Variants in PLB1 observed in about 807,000 individuals in gnomAD.
PLB1 encodes the protein phospholipase B1, membrane-associated.
PLB1 carries 242 observed loss-of-function variants against 227.4 expected under a neutral mutation model. That is an observed-to-expected ratio of 1.06 (90% CI 0.96 to 1.18). The LOEUF (loss-of-function observed/expected upper bound fraction) is 1.18. Among genes scored for constraint, PLB1 ranks in the 50% most tolerant of loss-of-function variants. The pLI, the probability that PLB1 is intolerant of heterozygous loss-of-function variation, is 0.00. For missense variants in PLB1, 1,858 were observed against 1,816.3 expected (o/e 1.02, Z -0.42); for synonymous variants, 757 against 682.2 (o/e 1.11, Z -1.71).
chr2:28,636,632 G>A (rs1291835647), intron 56 of PLB1, among the ~76,000 whole-genome samples: 1 of 152,104 alleles, frequency 6.6e-6, no homozygotes, highest in African/African-American at 2.4e-5. Flanking sequence ...TCATACTAAG[G>A]AATACCATAC....
rs1683781838 is a variant in PLB1, at chr2:28,601,000, C to A, written c.2526+140C>A. 4.9e-6 allele frequency: 4 copies of A among 822,026 alleles called. No individual in the cohort carries two copies. In the Admixed American group the frequency reaches 6.7e-5, roughly 14 times the overall value. 50.9% of individuals were successfully genotyped at this position (822,026 alleles called of 1,614,324 possible). On this transcript the variant is annotated intron_variant, in intron 36 of 57. Transcript: ENST00000327757. ...AAGCAGTGGTCGGACAGCCCCCTGA[C>A]AGAGGTCCTGTGGAGGAGGGTATGT...
intron 41 of PLB1, among the ~76,000 whole-genome samples, chr2:28,605,624 G>A (rs1269736869): frequency 6.6e-6 from 1 of 152,140 alleles, no homozygotes; most frequent in East Asian, 1.9e-4. Flanking sequence ...TTGAATAAGG[G>A]GCACTTGTAG....
At chr2:28,553,675 T>A (rs983169192) in intron 17 of PLB1, among the ~76,000 whole-genome samples, 5 of 152,180 alleles carry the variant, frequency 3.3e-5, no homozygotes, top group Admixed American at 2.6e-4. Context: ...AGCAGTGTTA[T>A]AGATTCCCAT....
At chr2:28,609,596 G>T (rs973859836) in intron 43 of PLB1, among the ~76,000 whole-genome samples, 1 of 151,968 alleles carries the variant, frequency 6.6e-6, no homozygotes, top group Admixed American at 6.6e-5. Flanking sequence ...TCTTTTTGAC[G>T]CTCAGAGCTT....
intron 28 of PLB1, 24 bp from the exon 29 acceptor site, chr2:28,589,981 C>G (rs1056716388): frequency 2.5e-6 from 4 of 1,605,208 alleles, no homozygotes; most frequent in Non-Finnish European, 3.4e-6. Context: ...TCCTCACTCC[C>G]CATCTCCCTG....
intron 56 of PLB1, among the ~76,000 whole-genome samples, chr2:28,633,871 C>A (rs1484413014): frequency 1.3e-5 from 2 of 152,196 alleles, no homozygotes; most frequent in African/African-American, 4.8e-5. Context: ...TGTATGTTCC[C>A]TCCTTTGTCC....
intron 14 of PLB1, among the ~76,000 whole-genome samples, chr2:28,547,935 G>T (rs11127167): frequency 0.63 from 95,327 of 151,912 alleles, 30,739 homozygotes; most frequent in South Asian, 0.71. Context: ...TTGATAATCT[G>T]CTGGTTTCTC....
At chr2:28,509,899 G>GCCCATGT (rs1668042745) in intron 1 of PLB1, among the ~76,000 whole-genome samples, 1 of 152,138 alleles carries the variant, frequency 6.6e-6, no homozygotes, top group African/African-American at 2.4e-5. Context: ...TAGATTGACG[G>GCCCATGT]CCCATGTCGC....
At chr2:28,530,490 C>T (rs760331254) in intron 8 of PLB1, among the ~76,000 whole-genome samples, 2 of 152,140 alleles carry the variant, frequency 1.3e-5, no homozygotes, top group African/African-American at 2.4e-5. Flanking sequence ...ATTGTAGTGG[C>T]GATTGCTGTT....
At chr2:28,563,865 A>G (rs115291456) in intron 18 of PLB1, among the ~76,000 whole-genome samples, 1 of 152,164 alleles carries the variant, frequency 6.6e-6, no homozygotes, top group African/African-American at 2.4e-5. Context: ...TCTCATGTCT[A>G]TGGTCTATCA....
chr2:28,605,521 G>A (rs959444917), intron 41 of PLB1, among the ~76,000 whole-genome samples: 1 of 152,078 alleles, frequency 6.6e-6, no homozygotes, highest in Non-Finnish European at 1.5e-5. Flanking sequence ...GCTGGGCTAA[G>A]ACTCTCTGCG....
chr2:28,568,226 T>C (rs541980208), intron 20 of PLB1, among the ~76,000 whole-genome samples: 106 of 152,312 alleles, frequency 7.0e-4, no homozygotes, highest in African/African-American at 2.4e-3. Context: ...TCAGGGTGCT[T>C]TTGTGAGTGT....
chr2:28,592,720 G>T lies in PLB1; in HGVS notation c.2247+1G>T. The T allele has an allele frequency of 6.2e-7, 1 of 1,613,830 alleles. No individual in the cohort carries two copies. The highest frequency in any genetic ancestry group is 8.5e-7 in the Non-Finnish European group (1 of 1,179,846). On this transcript the variant is annotated splice_donor_variant, in intron 32 of 57. Transcript: ENST00000327757. LOFTEE classifies it high-confidence loss of function. ...GGCTGCTCTGGGGGATTCTCTGACC[G>T]TAAGGACTCTTGGGCCCCAGGTGGT... is the stretch of plus-strand genomic sequence containing the variant.
At chr2:28,516,973 TC>T in intron 2 of PLB1, 104 bp downstream of exon 2, 1 of 1,133,498 alleles carries the variant, frequency 8.8e-7, no homozygotes. Context: ...ACAGGCCCCT[TC>T]CTGAGGCCTT....
At chr2:28,510,554 A>G (rs1247655252) in intron 1 of PLB1, among the ~76,000 whole-genome samples, 3 of 148,508 alleles carry the variant, frequency 2.0e-5, no homozygotes, top group Non-Finnish European at 3.0e-5. Context: ...TAAAATATCT[A>G]TGTTTCAATT....
At chr2:28,566,135 G>C (rs1435395903) in intron 19 of PLB1, among the ~76,000 whole-genome samples, 4 of 152,140 alleles carry the variant, frequency 2.6e-5, no homozygotes, top group African/African-American at 9.7e-5. Context: ...TCTGACACCT[G>C]CTTTAACCTG....
intron 21 of PLB1, among the ~76,000 whole-genome samples, chr2:28,577,805 A>G (rs1679228739): frequency 6.6e-6 from 1 of 152,232 alleles, no homozygotes; most frequent in South Asian, 2.1e-4. Flanking sequence ...GTGCCGCTGC[A>G]CTTCAGCCTG....
chr2:28,604,089 G>A lies in PLB1; in HGVS notation c.2856+42G>A, dbSNP rs201165131. 8.1e-5 allele frequency: 125 copies of A among 1,545,222 alleles called. No homozygotes were observed. In the East Asian group the frequency reaches 2.1e-3, roughly 26 times the overall value. ...CACCATGCTGTGTCCTCTCCCCTACGTTCACTCTAACACACAGCCCAGAGC... is the reference window on the plus strand; with the variant it reads ...CACCATGCTGTGTCCTCTCCCCTACATTCACTCTAACACACAGCCCAGAGC... On this transcript the variant is annotated intron_variant, in intron 40 of 57. Transcript: ENST00000327757.
At chr2:28,518,380 A>C in intron 2 of PLB1, 86 bp from the exon 3 acceptor site, 2 of 1,028,196 alleles carry the variant, frequency 1.9e-6, no homozygotes, top group Non-Finnish European at 3.1e-6. Context: ...GAATGAGTAC[A>C]TGATCATTTC....
Sources: gnomAD v4.1 joint callset for allele counts (sites outside exome capture counted in the v4.1 genomes callset) on GRCh38, gnomAD v4.1.1 for gene constraint, MANE v1.5 for transcripts, NCBI Gene and HGNC (gene_info 2026-07-23, HGNC 2026-07-21) for gene names.